The following MBD5 variants were observed in gnomAD, a reference collection of about 807,000 sequenced individuals.
MBD5 encodes the protein methyl-CpG-binding domain protein 5.
Under a neutral mutation model 117.3 loss-of-function variants are expected in MBD5, and 13 were observed. The observed-to-expected ratio is 0.11, with a 90% CI of 0.07 to 0.18. MBD5 has a LOEUF of 0.18. Among genes scored for constraint, MBD5 ranks in the 10% least tolerant of loss-of-function variants. The pLI, the probability that MBD5 is intolerant of heterozygous loss-of-function variation, is 1.00. For missense variants in MBD5, 1,879 were observed against 2,093.8 expected (o/e 0.90, Z 2.00); for synonymous variants, 727 against 766.4 (o/e 0.95, Z 0.85).
intron 3 of MBD5, among the ~76,000 whole-genome samples, chr2:148,283,479 C>G (rs551263315): frequency 1.3e-5 from 2 of 152,256 alleles, no homozygotes; most frequent in South Asian, 4.1e-4. Flanking sequence ...CAATATTTAG[C>G]TTTTAGCAAT....
At chr2:148,064,174 G>T (rs552266745) in intron 1 of MBD5, among the ~76,000 whole-genome samples, 220 of 144,198 alleles carry the variant, frequency 1.5e-3, no homozygotes, top group African/African-American at 5.4e-3. Flanking sequence ...CGCCCAGGCT[G>T]GAGTGCAGTG....
At chr2:148,157,806 G>A (rs559542574) in intron 1 of MBD5, among the ~76,000 whole-genome samples, 5 of 152,164 alleles carry the variant, frequency 3.3e-5, no homozygotes, top group Non-Finnish European at 5.9e-5. Context: ...TCTCTCAGGT[G>A]CCACTGGTGA....
At chr2:148,475,688 A>G (rs997900126) in intron 8 of MBD5, among the ~76,000 whole-genome samples, 2 of 152,154 alleles carry the variant, frequency 1.3e-5, no homozygotes, top group African/African-American at 2.4e-5. Flanking sequence ...GAAGATGCCT[A>G]AGCTACTATT....
At chr2:148,090,217 A>G (rs565656397) in intron 1 of MBD5, among the ~76,000 whole-genome samples, 1 of 152,190 alleles carries the variant, frequency 6.6e-6, no homozygotes, top group South Asian at 2.1e-4. Flanking sequence ...AACAACAAAA[A>G]AGTCCAGAAC....
At chr2:148,171,093 C>CA (rs535495632) in intron 1 of MBD5, among the ~76,000 whole-genome samples, 10 of 152,012 alleles carry the variant, frequency 6.6e-5, no homozygotes, top group Non-Finnish European at 1.0e-4. Flanking sequence ...CAAACTCTTC[C>CA]AAAAAATCAA....
intron 3 of MBD5, among the ~76,000 whole-genome samples, chr2:148,303,152 T>C (rs948141547): frequency 2.0e-5 from 3 of 152,146 alleles, no homozygotes; most frequent in Non-Finnish European, 4.4e-5. Context: ...ACCTTCTGAA[T>C]TTTAGCAAAT....
intron 4 of MBD5, among the ~76,000 whole-genome samples, chr2:148,441,547 A>G (rs532439694): frequency 2.0e-5 from 3 of 152,298 alleles, no homozygotes; most frequent in Admixed American, 6.5e-5. Context: ...GCTATTGTGA[A>G]TAGTGCCACA....
intron 1 of MBD5, among the ~76,000 whole-genome samples, chr2:148,114,813 T>C (rs1696590032): frequency 6.6e-6 from 1 of 152,174 alleles, no homozygotes; most frequent in Admixed American, 6.5e-5. Context: ...GTTTGATTAA[T>C]GTAGTTTCCC....
chr2:148,321,736 T>A (rs1702286921), intron 3 of MBD5, among the ~76,000 whole-genome samples: 1 of 152,152 alleles, frequency 6.6e-6, no homozygotes, highest in African/African-American at 2.4e-5. Flanking sequence ...CTCTTTCCTC[T>A]ATTTCTATAT....
intron 2 of MBD5, among the ~76,000 whole-genome samples, chr2:148,228,992 TTC>T (rs1558981961): frequency 6.6e-6 from 1 of 152,178 alleles, no homozygotes; most frequent in Non-Finnish European, 1.5e-5. Flanking sequence ...TATTTGATTC[TTC>T]TCTCTTTTCT....
chr2:148,032,903 G>T (rs1167740810), intron 1 of MBD5, among the ~76,000 whole-genome samples: 1 of 152,134 alleles, frequency 6.6e-6, no homozygotes, highest in East Asian at 1.9e-4. Context: ...GAAAAGAAAA[G>T]GAAGGAGATT....
intron 4 of MBD5, among the ~76,000 whole-genome samples, chr2:148,417,313 A>G (rs997000118): frequency 1.9e-4 from 7 of 36,432 alleles, no homozygotes; most frequent in African/African-American, 5.1e-4. Context: ...TTTTTTTTGT[A>G]CTTTTAGTAG....
chr2:148,151,314 C>G (rs1451797533), intron 1 of MBD5, among the ~76,000 whole-genome samples: 2 of 151,598 alleles, frequency 1.3e-5, no homozygotes, highest in Non-Finnish European at 2.9e-5. Flanking sequence ...GGTGGATAAG[C>G]TTTTTGATGT....
At chr2:148,109,573 A>C (rs186204308) in intron 1 of MBD5, among the ~76,000 whole-genome samples, 152 of 152,312 alleles carry the variant, frequency 1.0e-3, no homozygotes, top group Non-Finnish European at 1.5e-3. Context: ...GAAAATATAC[A>C]AATGATCAAA....
At chr2:148,346,165 C>T (rs1255958947) in intron 4 of MBD5, 3 of 151,198 alleles carry the variant, frequency 2.0e-5, no homozygotes, top group Admixed American at 1.3e-4. Flanking sequence ...ACTAAAACTG[C>T]TCTGAAAAAT....
chr2:148,175,664 A>G (rs566878910), intron 1 of MBD5, among the ~76,000 whole-genome samples: 8 of 152,220 alleles, frequency 5.3e-5, no homozygotes, highest in Non-Finnish European at 1.0e-4. Context: ...TTCAGAAAAT[A>G]CCATAGTTAA....
At chr2:148,222,592 TG>T (rs1699717373) in intron 2 of MBD5, among the ~76,000 whole-genome samples, 2 of 152,126 alleles carry the variant, frequency 1.3e-5, no homozygotes, top group Admixed American at 6.6e-5. Context: ...TACTGTTTTT[TG>T]TAGGTGGATT....
intron 1 of MBD5, among the ~76,000 whole-genome samples, chr2:148,024,290 T>A (rs1242249486): frequency 6.6e-6 from 1 of 152,198 alleles, no homozygotes; most frequent in Non-Finnish European, 1.5e-5. Flanking sequence ...ATTTCAGCTT[T>A]CTCTAATACT....
intron 1 of MBD5, among the ~76,000 whole-genome samples, chr2:148,102,699 A>G (rs1696251915): frequency 2.8e-5 from 2 of 70,948 alleles, no homozygotes; most frequent in Admixed American, 3.7e-4. Flanking sequence ...AGAGAGAGAG[A>G]TCACACACAC....
Sources: allele counts gnomAD v4.1 joint callset (sites outside exome capture counted in the v4.1 genomes callset), GRCh38; gene constraint gnomAD v4.1.1; transcripts MANE v1.5; gene names NCBI Gene and HGNC (gene_info 2026-07-23, HGNC 2026-07-21).